CDH13: variants seen among roughly 807,000 people sequenced by gnomAD.
CDH13 encodes cadherin-13.
In CDH13, 24 loss-of-function variants were observed where a neutral mutation model predicts 63.8. The observed-to-expected ratio is 0.38, with a 90% CI of 0.27 to 0.53. The LOEUF (loss-of-function observed/expected upper bound fraction) is 0.53, where lower values mean the gene tolerates loss of function less well. CDH13 is among the 20% of genes least tolerant of loss of function. CDH13 has a pLI of 0.85. For synonymous variants in CDH13, 503 were observed against 355.3 expected (o/e 1.42, Z -4.67); for missense variants, 1,049 against 903.1 (o/e 1.16, Z -2.07).
At chr16:83,372,683 C>A (rs1342038110) in intron 6 of CDH13, among the ~76,000 whole-genome samples, 1 of 143,644 alleles carries the variant, frequency 7.0e-6, no homozygotes, top group African/African-American at 2.6e-5. Flanking sequence ...ATCCGGGAGG[C>A]AGAGGTTGCA....
intron 2 of CDH13, among the ~76,000 whole-genome samples, chr16:82,963,077 G>A (rs1319929554): frequency 6.6e-6 from 1 of 152,064 alleles, no homozygotes. Flanking sequence ...CATGTATGGT[G>A]TTAAAGAAAC....
At chr16:83,144,196 A>G (rs2036651066) in intron 4 of CDH13, among the ~76,000 whole-genome samples, 1 of 152,118 alleles carries the variant, frequency 6.6e-6, no homozygotes, top group African/African-American at 2.4e-5. Flanking sequence ...GTGGTAAGTG[A>G]TTCTGAAGGT....
At chr16:83,026,966 G>A (rs948454249) in intron 2 of CDH13, among the ~76,000 whole-genome samples, 34 of 152,250 alleles carry the variant, frequency 2.2e-4, no homozygotes, top group Admixed American at 7.2e-4. Context: ...CAGGGGCCAA[G>A]GGGAGAGCAT....
At chr16:83,449,320 A>G (rs868671864) in intron 6 of CDH13, among the ~76,000 whole-genome samples, 11 of 152,040 alleles carry the variant, frequency 7.2e-5, no homozygotes, top group South Asian at 4.2e-4. Context: ...TAAAGATCTC[A>G]TGGTACCAAG....
intron 6 of CDH13, among the ~76,000 whole-genome samples, chr16:83,430,725 C>G (rs774128151): frequency 1.3e-5 from 2 of 152,110 alleles, no homozygotes; most frequent in African/African-American, 4.8e-5. Flanking sequence ...ATAGTTTCAC[C>G]CAGTAGTCCT....
chr16:82,726,213 C>T (rs2033085076), intron 1 of CDH13, among the ~76,000 whole-genome samples: 1 of 152,066 alleles, frequency 6.6e-6, no homozygotes, highest in Admixed American at 6.6e-5. Flanking sequence ...TTGACTGTAT[C>T]CTGTAGTGGT....
intron 5 of CDH13, among the ~76,000 whole-genome samples, chr16:83,339,561 C>G (rs2090676440): frequency 6.6e-6 from 1 of 152,116 alleles, no homozygotes; most frequent in Non-Finnish European, 1.5e-5. Flanking sequence ...ATTAATAACA[C>G]AAAAACCAGG....
intron 5 of CDH13, among the ~76,000 whole-genome samples, chr16:83,282,101 G>C (rs1443882735): frequency 6.6e-6 from 1 of 151,972 alleles, no homozygotes; most frequent in African/African-American, 2.4e-5. Flanking sequence ...GAGAGATGGG[G>C]GAATGGCTGC....
intron 1 of CDH13, among the ~76,000 whole-genome samples, chr16:82,698,266 G>C (rs1181257546): frequency 2.6e-5 from 4 of 152,216 alleles, no homozygotes; most frequent in Non-Finnish European, 5.9e-5. Context: ...TCAAGCATAT[G>C]TTTGCCTTCA....
At chr16:82,800,572 C>A (rs34349919) in intron 1 of CDH13, among the ~76,000 whole-genome samples, 2 of 152,166 alleles carry the variant, frequency 1.3e-5, no homozygotes, top group East Asian at 3.9e-4. Context: ...GGCTCATAAC[C>A]CATAAAAGTT....
intron 4 of CDH13, among the ~76,000 whole-genome samples, chr16:83,164,807 C>T (rs1395981649): frequency 1.3e-5 from 2 of 150,944 alleles, no homozygotes; most frequent in African/African-American, 2.4e-5. Context: ...ATAACCAATG[C>T]TATTTATTAA....
intron 2 of CDH13, among the ~76,000 whole-genome samples, chr16:82,942,491 T>C (rs531622223): frequency 6.6e-6 from 1 of 152,310 alleles, no homozygotes; most frequent in African/African-American, 2.4e-5. Context: ...CCAGAGGATT[T>C]GACCTAAGGG....
intron 2 of CDH13, among the ~76,000 whole-genome samples, chr16:82,920,850 T>C (rs569361013): frequency 3.9e-5 from 6 of 152,338 alleles, no homozygotes; most frequent in African/African-American, 1.4e-4. Context: ...TACCACTAAG[T>C]ATGATGCTCC....
chr16:83,022,113 C>T (rs546948283), intron 2 of CDH13, among the ~76,000 whole-genome samples: 35 of 152,252 alleles, frequency 2.3e-4, no homozygotes, highest in African/African-American at 7.9e-4. Context: ...CTCTGGATGC[C>T]AGTGGCATAC....
intron 1 of CDH13, chr16:82,646,434 T>G (rs1045919566): frequency 1.3e-5 from 2 of 152,208 alleles, no homozygotes; most frequent in Admixed American, 6.5e-5. Context: ...CCTCAAGTGA[T>G]CTGCTCGCCT....
At chr16:83,040,554 A>T (rs1244116844) in intron 3 of CDH13, among the ~76,000 whole-genome samples, 1 of 152,138 alleles carries the variant, frequency 6.6e-6, no homozygotes, top group Non-Finnish European at 1.5e-5. Flanking sequence ...TGGGAGAAAG[A>T]TGGAGGCCAG....
At chr16:83,465,856 C>G (rs1283786663) in intron 6 of CDH13, among the ~76,000 whole-genome samples, 1 of 152,234 alleles carries the variant, frequency 6.6e-6, no homozygotes, top group Non-Finnish European at 1.5e-5. Flanking sequence ...TCTCTTACTT[C>G]CATGCCATTT....
chr16:83,209,845 G>A (rs531487097), intron 4 of CDH13, among the ~76,000 whole-genome samples: 1 of 152,198 alleles, frequency 6.6e-6, no homozygotes, highest in East Asian at 1.9e-4. Context: ...GGAAGGTTCA[G>A]TGGGTAAGTA....
intron 10 of CDH13, among the ~76,000 whole-genome samples, chr16:83,730,534 C>A (rs114740386): frequency 6.6e-6 from 1 of 152,108 alleles, no homozygotes; most frequent in African/African-American, 2.4e-5. Context: ...AATCACAATT[C>A]GATGAAAAGT....
Sources: allele counts gnomAD v4.1 joint callset (sites outside exome capture counted in the v4.1 genomes callset), GRCh38; gene constraint gnomAD v4.1.1; transcripts MANE v1.5; gene names NCBI Gene and HGNC (gene_info 2026-07-23, HGNC 2026-07-21).